The following SPATA6 variants were observed in gnomAD, a reference collection of about 807,000 sequenced individuals.
SPATA6 encodes spermatogenesis-associated protein 6.
In SPATA6, 56 loss-of-function variants were observed where a neutral mutation model predicts 65.3. The observed-to-expected ratio is 0.86, with a 90% CI of 0.69 to 1.07. The LOEUF (loss-of-function observed/expected upper bound fraction) is 1.07, where lower values mean the gene tolerates loss of function less well. Among genes scored for constraint, SPATA6 ranks in the 50% least tolerant of loss-of-function variants. SPATA6 has a pLI of 0.00. For missense variants in SPATA6, 590 were observed against 594.8 expected (o/e 0.99, Z 0.08); for synonymous variants, 199 against 213.2 (o/e 0.93, Z 0.58).
intron 3 of SPATA6, among the ~76,000 whole-genome samples, chr1:48,439,467 C>T (rs187951000): frequency 6.6e-6 from 1 of 151,820 alleles, no homozygotes; most frequent in Non-Finnish European, 1.5e-5. Flanking sequence ...ATTGCAGGTT[C>T]TTGGGCAAGA....
intron 11 of SPATA6, among the ~76,000 whole-genome samples, chr1:48,330,675 A>G (rs936845040): frequency 1.1e-4 from 16 of 152,250 alleles, no homozygotes; most frequent in African/African-American, 3.9e-4. Context: ...TGAGGGGCAC[A>G]GCCTCCTGCT....
intron 11 of SPATA6, among the ~76,000 whole-genome samples, chr1:48,317,461 G>A (rs534653539): frequency 6.6e-6 from 1 of 152,154 alleles, no homozygotes; most frequent in African/African-American, 2.4e-5. Flanking sequence ...CTCACTCACA[G>A]GTGGGAACTG....
the SPATA6 span, among the ~76,000 whole-genome samples, chr1:48,283,038 G>A: frequency 4.6e-5 from 7 of 151,952 alleles, no homozygotes; most frequent in East Asian, 1.9e-4. Flanking sequence ...TTGTAGGGAC[G>A]TGGGTGAAAT....
chr1:48,308,292 T>C (rs1428566861), intron 11 of SPATA6, among the ~76,000 whole-genome samples: 2 of 152,056 alleles, frequency 1.3e-5, no homozygotes, highest in African/African-American at 4.8e-5. Flanking sequence ...TACAGAAGAA[T>C]CTAAGTTTAG....
intron 9 of SPATA6, 43 bp downstream of exon 9, chr1:48,385,266 T>C: frequency 6.4e-7 from 1 of 1,550,756 alleles, no homozygotes; most frequent in Non-Finnish European, 8.7e-7. Context: ...TGTTGTTGTC[T>C]GAAAGCCAGA....
intron 3 of SPATA6, among the ~76,000 whole-genome samples, chr1:48,447,205 G>A (rs1384570863): frequency 6.6e-6 from 1 of 152,094 alleles, no homozygotes; most frequent in Non-Finnish European, 1.5e-5. Flanking sequence ...TTATTAGTAG[G>A]TAAGCTTTTG....
At chr1:48,467,958 G>A (rs904548459) in intron 1 of SPATA6, among the ~76,000 whole-genome samples, 9 of 152,072 alleles carry the variant, frequency 5.9e-5, no homozygotes, top group Admixed American at 3.9e-4. Flanking sequence ...TAAATTAGAA[G>A]AGCCATTACA....
the SPATA6 span, chr1:48,262,175 A>G: frequency 6.6e-6 from 1 of 152,272 alleles, no homozygotes; most frequent in South Asian, 2.1e-4. Flanking sequence ...AAGAAGACTG[A>G]AGTGTTTCAT....
At chr1:48,358,824 C>T (rs987653251) in intron 10 of SPATA6, among the ~76,000 whole-genome samples, 1 of 152,114 alleles carries the variant, frequency 6.6e-6, no homozygotes, top group African/African-American at 2.4e-5. Flanking sequence ...CTCCATATAT[C>T]CACTATGAAT....
chr1:48,317,454 A>G (rs1343664979), intron 11 of SPATA6, among the ~76,000 whole-genome samples: 1 of 151,280 alleles, frequency 6.6e-6, no homozygotes, highest in East Asian at 2.0e-4. Flanking sequence ...GCATGTTCTC[A>G]CTCACAGGTG....
At chr1:48,267,821 G>T in the SPATA6 span, among the ~76,000 whole-genome samples, 396 of 125,172 alleles carry the variant, frequency 3.2e-3, 1 homozygote, top group Middle Eastern at 6.8e-3. Context: ...ACACGATCTC[G>T]GCTCACTGCA....
rs1217760630 is a variant in SPATA6, at chr1:48,298,626, T to TA, written c.*86dup. 18 of 1,316,290 alleles carry TA rather than the reference T, an allele frequency of 1.4e-5. No individual in the cohort carries two copies. The highest frequency in any genetic ancestry group is 3.4e-5 in the South Asian group (2 of 58,370). The allele number at this position is 1,316,290 out of a possible 1,614,324, so 81.5% of individuals were successfully genotyped here. On this transcript the variant is annotated 3_prime_UTR_variant, in exon 13 of 13. Coordinates refer to ENST00000371847, the MANE Select transcript of SPATA6 (RefSeq NM_019073.4). ...TACTTAGTTATAATCCCATTTTTTT[T>TA]AAAAAAAGGAATACAGATATTGATC...
rs576940132 is a variant in SPATA6, at chr1:48,453,563, A to G, written c.52-432T>C. Among the ~76,000 whole-genome samples the G allele has an allele frequency of 2.6e-5, 4 of 152,380 alleles. No homozygotes were observed. In the South Asian group the frequency reaches 8.3e-4, roughly 32 times the overall value. ...GATAAAAACCACAAATCTGACTTCT[A>G]TCACCCAAAATCACAGTCCATAGAT... On this transcript the variant is annotated intron_variant, in intron 1 of 12. Coordinates refer to ENST00000371847, the MANE Select transcript of SPATA6 (RefSeq NM_019073.4).
At chr1:48,353,324 A>G (rs912382201) in intron 11 of SPATA6, among the ~76,000 whole-genome samples, 1 of 151,962 alleles carries the variant, frequency 6.6e-6, no homozygotes, top group African/African-American at 2.4e-5. Context: ...ATAACAAAAT[A>G]GTTAAAAAGA....
rs1360071842 is a variant in SPATA6 at position 48,451,620 on chromosome 1, G to C, written c.190-20C>G. ...GAACACCTATAGTGAGACGATACAGGGAGAGGCAGGAAGGAAGATATATAT... is the reference window on the plus strand; with the variant it reads ...GAACACCTATAGTGAGACGATACAGCGAGAGGCAGGAAGGAAGATATATAT... On this transcript the variant is annotated intron_variant, in intron 2 of 12. Transcript: ENST00000371847. 6.2e-7 allele frequency: 1 copy of C among 1,602,092 alleles called. No individual in the cohort carries two copies.
At chr1:48,352,299 A>G (rs1322111872) in intron 11 of SPATA6, among the ~76,000 whole-genome samples, 1 of 152,040 alleles carries the variant, frequency 6.6e-6, no homozygotes, top group African/African-American at 2.4e-5. Flanking sequence ...CCCACAACAC[A>G]TGGGAATTCA....
chr1:48,336,418 G>T lies in SPATA6; in HGVS notation c.1194+19252C>A, dbSNP rs549416148. The stretch of plus-strand genomic sequence containing the variant: ...CAGTAGACTGGATAAAGAGAATGTG[G>T]TACATACATACCATGGAATACTACG... On this transcript the variant is annotated intron_variant, in intron 11 of 12. Coordinates refer to ENST00000371847, the MANE Select transcript of SPATA6 (RefSeq NM_019073.4). Among the ~76,000 whole-genome samples, 4 of 152,130 alleles carry T rather than the reference G, an allele frequency of 2.6e-5. No homozygotes were observed. The East Asian group carries it at 7.7e-4, about 29-fold the overall frequency.
rs909568664 is a variant in SPATA6, at chr1:48,380,861, A to G, written c.909+4448T>C. Among the ~76,000 whole-genome samples, 3 of 152,148 alleles carry G rather than the reference A, an allele frequency of 2.0e-5. No homozygotes were observed. The South Asian group carries it at 6.2e-4, about 32-fold the overall frequency. On this transcript the variant is annotated intron_variant, in intron 9 of 12. Transcript: ENST00000371847. ...AGGGCCTTAAAAAAGGAACAACTCT[A>G]TATATAAACACTATACAGCAGCAGT...
chr1:48,361,985 C>T (rs72893245), intron 9 of SPATA6, among the ~76,000 whole-genome samples: 3,911 of 152,080 alleles, frequency 0.026, 106 homozygotes, highest in African/African-American at 0.071. Flanking sequence ...GTGATCAAGA[C>T]TGAAGAAAAA....
Sources: gnomAD v4.1 joint callset for allele counts (sites outside exome capture counted in the v4.1 genomes callset) on GRCh38, gnomAD v4.1.1 for gene constraint, MANE v1.5 for transcripts, NCBI Gene and HGNC (gene_info 2026-07-23, HGNC 2026-07-21) for gene names.